Variants in SYT1 observed in about 807,000 individuals in gnomAD.
The protein encoded by SYT1 is synaptotagmin 1, also known as synaptotagmin-1.
Under a neutral mutation model 44.8 loss-of-function variants are expected in SYT1, and 8 were observed. The ratio of observed to expected loss-of-function variants is 0.18; its 90% confidence interval spans 0.10 to 0.32. The LOEUF is 0.32. Among genes scored for constraint, SYT1 ranks in the 10% least tolerant of loss-of-function variants. The pLI is 1.00. For missense variants in SYT1, 286 were observed against 509.3 expected, an observed-to-expected ratio of 0.56 and a Z score of 4.22; for synonymous variants, 154 against 188.8, an observed-to-expected ratio of 0.82 and a Z score of 1.51.
chr12:78,980,322 TC>T (rs1334153407), intron 2 of SYT1, among the ~76,000 whole-genome samples: 1 of 152,160 alleles, frequency 6.6e-6, no homozygotes. Context: ...AATTTTTGCT[TC>T]CTACATAGCC....
At chr12:79,027,554 T>A (rs1229907544) in intron 2 of SYT1, among the ~76,000 whole-genome samples, 1 of 151,408 alleles carries the variant, frequency 6.6e-6, no homozygotes, top group Admixed American at 6.6e-5. Flanking sequence ...ATATATAAAC[T>A]TGTCAAGCCC....
intron 3 of SYT1, among the ~76,000 whole-genome samples, chr12:79,106,287 C>G (rs1037313068): frequency 6.6e-6 from 1 of 152,028 alleles, no homozygotes; most frequent in Non-Finnish European, 1.5e-5. Flanking sequence ...ACCCTAAGGT[C>G]CAAGTATAGT....
At chr12:79,163,724 C>T (rs1278318206) in intron 3 of SYT1, among the ~76,000 whole-genome samples, 2 of 152,028 alleles carry the variant, frequency 1.3e-5, no homozygotes, top group Non-Finnish European at 2.9e-5. Flanking sequence ...GACAGCAGCA[C>T]CCGCCATCAC....
intron 2 of SYT1, among the ~76,000 whole-genome samples, chr12:79,028,476 C>T (rs980761039): frequency 2.6e-5 from 4 of 151,292 alleles, no homozygotes; most frequent in African/African-American, 4.8e-5. Context: ...CCTGTATATT[C>T]GTTACAGAGA....
At chr12:79,135,749 A>G (rs1869147955) in intron 3 of SYT1, among the ~76,000 whole-genome samples, 1 of 151,736 alleles carries the variant, frequency 6.6e-6, no homozygotes, top group Non-Finnish European at 1.5e-5. Context: ...CCATGCCTTT[A>G]CTTTTAGGGC....
chr12:79,278,904 G>A (rs953258239), intron 4 of SYT1, among the ~76,000 whole-genome samples: 1 of 151,124 alleles, frequency 6.6e-6, no homozygotes, highest in East Asian at 1.9e-4. Flanking sequence ...AGAAAATCTA[G>A]AGGAAATAGA....
chr12:79,099,062 T>C (rs975978610), intron 3 of SYT1, among the ~76,000 whole-genome samples: 1 of 152,154 alleles, frequency 6.6e-6, no homozygotes, highest in Non-Finnish European at 1.5e-5. Context: ...AAAAGATAAA[T>C]AGGTTACCTT....
intron 1 of SYT1, among the ~76,000 whole-genome samples, chr12:78,881,580 A>G (rs867026592): frequency 6.6e-6 from 1 of 151,730 alleles, no homozygotes; most frequent in African/African-American, 2.4e-5. Context: ...TAAAATATGC[A>G]CAGAAATCAG....
chr12:78,947,434 C>A (rs1878722462), intron 1 of SYT1, among the ~76,000 whole-genome samples: 1 of 151,176 alleles, frequency 6.6e-6, no homozygotes, highest in African/African-American at 2.4e-5. Flanking sequence ...CAAACCAAAC[C>A]ATTTGAGCAA....
At chr12:79,064,301 A>C (rs1875603918) in intron 3 of SYT1, among the ~76,000 whole-genome samples, 1 of 152,208 alleles carries the variant, frequency 6.6e-6, no homozygotes, top group South Asian at 2.1e-4. Flanking sequence ...AGATGTGAAT[A>C]AGAGTGTAAT....
At chr12:78,982,619 A>G (rs1056410876) in intron 2 of SYT1, among the ~76,000 whole-genome samples, 1 of 152,162 alleles carries the variant, frequency 6.6e-6, no homozygotes, top group Admixed American at 6.6e-5. Flanking sequence ...GCAGCTTCTG[A>G]AAGCTACTAT....
chr12:79,133,691 T>C (rs889155656), intron 3 of SYT1, among the ~76,000 whole-genome samples: 1 of 152,094 alleles, frequency 6.6e-6, no homozygotes, highest in African/African-American at 2.4e-5. Flanking sequence ...ACCACAGAAC[T>C]TAATGGCAGG....
intron 4 of SYT1, among the ~76,000 whole-genome samples, chr12:79,219,912 T>C (rs1181136894): frequency 6.6e-6 from 1 of 152,060 alleles, no homozygotes; most frequent in African/African-American, 2.4e-5. Context: ...TGTAGTGTCT[T>C]TGTCTGGCAT....
intron 2 of SYT1, among the ~76,000 whole-genome samples, chr12:78,998,526 CTGAG>C (rs1297207533): frequency 2.6e-5 from 4 of 152,156 alleles, no homozygotes; most frequent in Non-Finnish European, 4.4e-5. Flanking sequence ...AGGCGCTGGA[CTGAG>C]TAAGATTTGC....
At chr12:78,995,294 T>C (rs1870304188) in intron 2 of SYT1, among the ~76,000 whole-genome samples, 1 of 152,176 alleles carries the variant, frequency 6.6e-6, no homozygotes. Flanking sequence ...CTATATCCAC[T>C]TTTAGAAACC....
chr12:78,865,603 T>C (rs1424682847), intron 1 of SYT1, among the ~76,000 whole-genome samples: 1 of 150,546 alleles, frequency 6.6e-6, no homozygotes, highest in Non-Finnish European at 1.5e-5. Context: ...GAATACAAGC[T>C]CTGCGAAAAT....
At chr12:79,156,714 G>T (rs1348048016) in intron 3 of SYT1, among the ~76,000 whole-genome samples, 3 of 152,064 alleles carry the variant, frequency 2.0e-5, no homozygotes, top group Admixed American at 2.0e-4. Context: ...TGATCTGCCC[G>T]CCTCAGCCTC....
At chr12:78,994,080 C>T (rs1470498753) in intron 2 of SYT1, among the ~76,000 whole-genome samples, 1 of 152,208 alleles carries the variant, frequency 6.6e-6, no homozygotes, top group Non-Finnish European at 1.5e-5. Flanking sequence ...TTAAGCATTT[C>T]CTCAACTTCG....
intron 8 of SYT1, among the ~76,000 whole-genome samples, chr12:79,352,776 G>A (rs138864470): frequency 3.3e-5 from 5 of 152,268 alleles, no homozygotes; most frequent in Admixed American, 1.3e-4. Flanking sequence ...GTACAGGACT[G>A]TTGAATGTTC....
Sources: gnomAD v4.1 joint callset for allele counts (sites outside exome capture counted in the v4.1 genomes callset) on GRCh38, gnomAD v4.1.1 for gene constraint, MANE v1.5 for transcripts, NCBI Gene and HGNC (gene_info 2026-07-23, HGNC 2026-07-21) for gene names.